Variants in ATP8B4 observed in about 807,000 individuals in gnomAD.
ATP8B4 encodes probable phospholipid-transporting ATPase IM.
Under a neutral mutation model 145.6 loss-of-function variants are expected in ATP8B4, and 133 were observed. The observed-to-expected ratio is 0.91, with a 90% CI of 0.79 to 1.05. The LOEUF (loss-of-function observed/expected upper bound fraction) is 1.05, where lower values mean the gene tolerates loss of function less well. Among genes scored for constraint, ATP8B4 ranks in the 50% least tolerant of loss-of-function variants. The pLI is 0.00. For synonymous variants in ATP8B4, 507 were observed against 492.9 expected (o/e 1.03, Z -0.38); for missense variants, 1,458 against 1,425.2 (o/e 1.02, Z -0.37).
At chr15:50,127,577 G>A (rs748580492) in intron 1 of ATP8B4, among the ~76,000 whole-genome samples, 3 of 152,198 alleles carry the variant, frequency 2.0e-5, no homozygotes, top group Non-Finnish European at 4.4e-5. Flanking sequence ...AGTCATGGAG[G>A]CCTCAAATGT....
intron 8 of ATP8B4, 53 bp downstream of exon 8, chr15:50,002,100 T>C: frequency 7.1e-7 from 1 of 1,414,738 alleles, no homozygotes; most frequent in Non-Finnish European, 9.8e-7. Context: ...CTAAAGACAT[T>C]ACTTTTAAAT....
chr15:49,924,277 G>C (rs542502072), intron 16 of ATP8B4, among the ~76,000 whole-genome samples: 1 of 151,996 alleles, frequency 6.6e-6, no homozygotes, highest in East Asian at 1.9e-4. Flanking sequence ...TTTAGGTTTA[G>C]TTGTACAGCT....
At chr15:50,163,645 G>A (rs1044481836) in intron 1 of ATP8B4, among the ~76,000 whole-genome samples, 1 of 152,176 alleles carries the variant, frequency 6.6e-6, no homozygotes, top group Non-Finnish European at 1.5e-5. Flanking sequence ...TATTGCTTAT[G>A]TTTACTGAAG....
At chr15:49,865,823 G>A (rs553995381) in intron 26 of ATP8B4, among the ~76,000 whole-genome samples, 7 of 152,278 alleles carry the variant, frequency 4.6e-5, no homozygotes, top group East Asian at 1.9e-4. Context: ...CACAGCTGGC[G>A]CTTGAACCCT....
chr15:50,084,371 G>A (rs934887210), intron 2 of ATP8B4, among the ~76,000 whole-genome samples: 15 of 152,110 alleles, frequency 9.9e-5, no homozygotes, highest in Non-Finnish European at 4.4e-5. Context: ...AGGATTTGAG[G>A]CAGAAAAGAA....
At chr15:49,938,895 T>C (rs2041944696) in intron 14 of ATP8B4, among the ~76,000 whole-genome samples, 1 of 152,056 alleles carries the variant, frequency 6.6e-6, no homozygotes, top group Non-Finnish European at 1.5e-5. Context: ...AAATCAAAAT[T>C]ATATGAATCA....
At chr15:49,993,404 A>G (rs559485861) in intron 9 of ATP8B4, among the ~76,000 whole-genome samples, 11 of 151,874 alleles carry the variant, frequency 7.2e-5, no homozygotes, top group African/African-American at 2.4e-4. Context: ...GAGATATTAA[A>G]ATTGAAATGT....
At chr15:50,074,713 G>A (rs2899453) in intron 2 of ATP8B4, among the ~76,000 whole-genome samples, 82,735 of 152,036 alleles carry the variant, frequency 0.54, 22,657 homozygotes, top group East Asian at 0.61. Context: ...GCTGCCCTTA[G>A]CTGGAAGTGA....
intron 23 of ATP8B4, 47 bp downstream of exon 23, chr15:49,897,245 C>T (rs1265007099): frequency 6.8e-7 from 1 of 1,473,668 alleles, no homozygotes; most frequent in East Asian, 2.3e-5. Context: ...TAATATCATA[C>T]AAAAACAAAC....
chr15:50,110,874 GT>G (rs1383097047), intron 1 of ATP8B4, among the ~76,000 whole-genome samples: 1 of 151,640 alleles, frequency 6.6e-6, no homozygotes, highest in African/African-American at 2.4e-5. Context: ...GTGCATATTT[GT>G]TTTAAAGATT....
Position 50,009,895 on chromosome 15 carries a change from A to C in ATP8B4, c.435+950T>G, listed in dbSNP as rs559014795. Among the ~76,000 whole-genome samples, 12 of 152,274 alleles carry C rather than the reference A, an allele frequency of 7.9e-5. No homozygotes were observed. The East Asian group carries it at 2.3e-3, about 29-fold the overall frequency. ...CAGAGAAATAAGCACTTCTCTACTG[A>C]AAGTGTGAACTCTTTTGTGAATGGC... On this transcript the variant is annotated intron_variant, in intron 7 of 27. Transcript: ENST00000284509.
At chr15:50,107,120 C>T in intron 1 of ATP8B4, 112 bp from the exon 2 acceptor site, 1 of 567,786 alleles carries the variant, frequency 1.8e-6, no homozygotes, top group Non-Finnish European at 2.9e-6. Flanking sequence ...GTCACTGACA[C>T]AGGAAAGAAC....
intron 2 of ATP8B4, among the ~76,000 whole-genome samples, chr15:50,093,819 C>T: frequency 6.6e-6 from 1 of 151,742 alleles, no homozygotes. Context: ...CAACATTAAC[C>T]ATAGGAAATC....
chr15:49,888,447 C>A (rs749196298), intron 23 of ATP8B4, among the ~76,000 whole-genome samples: 37 of 152,266 alleles, frequency 2.4e-4, no homozygotes, highest in South Asian at 2.3e-3. Flanking sequence ...AAATACACAG[C>A]CCTGTATCTC....
At chr15:49,965,706 T>C (rs1415835037) in intron 13 of ATP8B4, among the ~76,000 whole-genome samples, 2 of 152,156 alleles carry the variant, frequency 1.3e-5, no homozygotes, top group South Asian at 2.1e-4. Context: ...CCAGAGCTGA[T>C]AGGAATCAAG....
intron 8 of ATP8B4, among the ~76,000 whole-genome samples, chr15:49,997,129 A>G (rs540469044): frequency 6.6e-6 from 1 of 152,292 alleles, no homozygotes; most frequent in Admixed American, 6.5e-5. Flanking sequence ...ATCACTCCAG[A>G]GTCTACTATC....
At chr15:50,129,867 G>A (rs2057333199) in intron 1 of ATP8B4, among the ~76,000 whole-genome samples, 1 of 147,020 alleles carries the variant, frequency 6.8e-6, no homozygotes, top group African/African-American at 2.5e-5. Context: ...AGAATCGCTT[G>A]AACCCAGGAG....
At chr15:50,069,280 A>G (rs995775074) in intron 3 of ATP8B4, among the ~76,000 whole-genome samples, 3 of 152,126 alleles carry the variant, frequency 2.0e-5, no homozygotes, top group African/African-American at 7.2e-5. Flanking sequence ...AGAATCATTA[A>G]CCTTATCTTT....
intron 23 of ATP8B4, among the ~76,000 whole-genome samples, chr15:49,884,895 T>C (rs1264916179): frequency 6.6e-6 from 1 of 152,136 alleles, no homozygotes; most frequent in Non-Finnish European, 1.5e-5. Flanking sequence ...GTTCTATGCC[T>C]GATGATCTGA....
Sources: gnomAD v4.1 joint callset for allele counts (sites outside exome capture counted in the v4.1 genomes callset) on GRCh38, gnomAD v4.1.1 for gene constraint, MANE v1.5 for transcripts, NCBI Gene and HGNC (gene_info 2026-07-23, HGNC 2026-07-21) for gene names.